Variants in PALM3 observed in about 807,000 individuals in gnomAD.
The protein encoded by PALM3 is paralemmin-3.
A neutral mutation model predicts 27.9 loss-of-function variants in PALM3; 20 were observed. The ratio of observed to expected loss-of-function variants is 0.72; its 90% CI spans 0.50 to 1.04. The LOEUF (loss-of-function observed/expected upper bound fraction) is 1.04, where lower values mean the gene tolerates loss of function less well. Among genes scored for constraint, PALM3 ranks in the 50% least tolerant of loss-of-function variants. PALM3 has a pLI of 0.00. For synonymous variants in PALM3, 328 were observed against 352.7 expected (o/e 0.93, Z 0.79); for missense variants, 814 against 869.4 (o/e 0.94, Z 0.80).
At chr19:14,059,306 G>T in intron 1 of PALM3, 143 bp from the exon 2 acceptor site, 2 of 764,626 alleles carry the variant, frequency 2.6e-6, no homozygotes. Flanking sequence ...AGTCTGGGCG[G>T]GGGGCGAGGG....
chr19:14,056,985 CT>C (rs1460690002), intron 3 of PALM3, 181 bp from the exon 4 acceptor site: 1 of 669,898 alleles, frequency 1.5e-6, no homozygotes, highest in African/African-American at 1.8e-5. Flanking sequence ...GCAGACATCC[CT>C]TGTTCCAAAC....
At position 14,054,741 on chromosome 19, in the gene PALM3, G is replaced by C; in HGVS notation, c.931C>G (p.Pro311Ala). 6.4e-7 allele frequency: 1 copy of C among 1,551,730 alleles called. No homozygotes were observed. The highest frequency in any genetic ancestry group is 8.7e-7 in the Non-Finnish European group (1 of 1,147,034). The change falls in exon 7 of 7, where the codon CCT (proline) becomes GCT (alanine). Residue 311 changes from proline to alanine, a missense_variant. Pro to Ala is a conservative substitution (Grantham distance 27). Coordinates refer to ENST00000669674, the MANE Select transcript of PALM3 (RefSeq NM_001145028.2). ...GGCGAGCTAGTCTGCACGACCTCAG[G>C]GACCCTGCCTATCTCCCCCATGGCC... is the stretch of plus-strand genomic sequence containing the variant. ...AEAMGEIGRV[P>A]EVVQTSSPRL...
Position 14,059,179 on chromosome 19 carries a change from AG to A in PALM3, c.42-17del. 1 of 1,441,154 alleles carries A rather than the reference AG, an allele frequency of 6.9e-7. No homozygotes were observed. Among genetic ancestry groups the A allele is most frequent in the Non-Finnish European group, 9.1e-7 (1 of 1,100,200 alleles). 89.3% of individuals were successfully genotyped at this position (1,441,154 alleles called of 1,614,324 possible). A position where few individuals can be genotyped will look rare whatever the true frequency, so the allele number is the denominator to read the frequency against. On this transcript the variant is annotated splice_polypyrimidine_tract_variant and intron_variant, in intron 1 of 6. Coordinates refer to ENST00000669674, the MANE Select transcript of PALM3 (RefSeq NM_001145028.2). ...CGCCATGGGCCTGTTGGGAGAGGGC[AG>A]GGGCTTCGAGGGGCTCCCATCTTGA...
intron 2 of PALM3, 77 bp downstream of exon 2, chr19:14,059,038 A>G: frequency 7.5e-7 from 1 of 1,340,936 alleles, no homozygotes. Flanking sequence ...CGCTCTCCGC[A>G]GAGATGACGG....
At chr19:14,056,383 C>T in intron 5 of PALM3, 46 bp downstream of exon 5, 1 of 1,495,866 alleles carries the variant, frequency 6.7e-7, no homozygotes, top group Middle Eastern at 1.9e-4. Context: ...GCCTTGAGGC[C>T]TGCTGGCCAT....
chr19:14,060,942 G>A (rs1976404170), intron 1 of PALM3, among the ~76,000 whole-genome samples: 3 of 152,106 alleles, frequency 2.0e-5, no homozygotes, highest in Admixed American at 2.0e-4. Flanking sequence ...TGTATTTTTA[G>A]TACAGATGGG....
At position 14,059,138 on chromosome 19, in the gene PALM3, G is replaced by C; in HGVS notation, c.67C>G (p.Arg23Gly). The change falls in exon 2 of 7, where the codon CGG becomes GGG. Residue 23 changes from arginine to glycine, a missense_variant. Arg to Gly is a moderately radical substitution (Grantham distance 125). Coordinates refer to ENST00000669674, the MANE Select transcript of PALM3 (RefSeq NM_001145028.2). Reference protein sequence around the residue: ...PMPMAESSLYRQRLEVIAEKR... With the variant: ...PMPMAESSLYGQRLEVIAEKR... ...ACAGCGATGACTTCTAGCCGCTGCC[G>C]GTAGAGGGAGCTCTCCGCCATGGGC... 1 of 1,435,760 alleles carries C rather than the reference G, an allele frequency of 7.0e-7. No individual in the cohort carries two copies. Among genetic ancestry groups the C allele is most frequent in the African/African-American group, 1.5e-5 (1 of 66,166 alleles). The allele number at this position is 1,435,760 out of a possible 1,614,324, so 88.9% of individuals were successfully genotyped here. A position where few individuals can be genotyped will look rare whatever the true frequency, so the allele number is the denominator to read the frequency against.
Position 14,056,813 on chromosome 19 carries a change from G to A in PALM3, c.172-9C>T, listed in dbSNP as rs934742174. On this transcript the variant is annotated splice_polypyrimidine_tract_variant and intron_variant, in intron 3 of 6. Coordinates refer to ENST00000669674, the MANE Select transcript of PALM3 (RefSeq NM_001145028.2). ...TCCCGGAGAGACTTCCTCTGGGCAG[G>A]GGAAGGGAGTTGGGGCTGGGCATAC... The A allele has an allele frequency of 7.1e-6, 11 of 1,541,286 alleles. No individual in the cohort carries two copies. The Admixed American group carries it at 8.0e-5, about 11-fold the overall frequency.
At chr19:14,058,016 G>C (rs1976343497) in intron 2 of PALM3, among the ~76,000 whole-genome samples, 4 of 152,204 alleles carry the variant, frequency 2.6e-5, no homozygotes. Flanking sequence ...GCTGAGGCGG[G>C]AGAATCTCTT....
At position 14,054,594 on chromosome 19, in the gene PALM3, C is replaced by G. The variant is rs199511171; in HGVS notation, c.1078G>C (p.Glu360Gln). 5,045 of 1,551,944 alleles carry G rather than the reference C, an allele frequency of 3.3e-3. 17 individuals are homozygous for G. Among genetic ancestry groups the G allele is most frequent in the South Asian group, 5.5e-3 (460 of 84,052 alleles). ...GGEEGSFIWV[E>Q]RVTLSEEWEE... ...CACTCTTCACTGAGGGTCACTCTCT[C>G]CACCCAAATGAAGGATCCCTCCTCT... The change falls in exon 7 of 7, where the codon GAG becomes CAG. Residue 360 changes from glutamate to glutamine, a missense_variant. Transcript: ENST00000669674.
At chr19:14,057,567 G>A (rs2145704835) in intron 2 of PALM3, 136 bp from the exon 3 acceptor site, 3 of 673,610 alleles carry the variant, frequency 4.5e-6, no homozygotes, top group East Asian at 7.1e-5. Context: ...CCCGGCGGGG[G>A]TGGCCCAGCG....
chr19:14,059,155 G>T lies in PALM3; in HGVS notation c.50C>A (p.Ala17Glu). The change falls in exon 2 of 7, where the codon GCG becomes GAG. Residue 17 changes from alanine to glutamate, a missense_variant. Physicochemically the swap from Ala to Glu is moderately radical, Grantham distance 107. Coordinates refer to ENST00000669674, the MANE Select transcript of PALM3 (RefSeq NM_001145028.2). ...CCGCTGCCGGTAGAGGGAGCTCTCC[G>T]CCATGGGCCTGTTGGGAGAGGGCAG... ...VWSLATPMPM[A>E]ESSLYRQRLE... is the part of the protein sequence containing the mutation. The T allele has an allele frequency of 7.0e-7, 1 of 1,438,382 alleles. No homozygotes were observed. Among genetic ancestry groups the T allele is most frequent in the South Asian group, 1.4e-5 (1 of 69,326 alleles). The allele number at this position is 1,438,382 out of a possible 1,614,324, so 89.1% of individuals were successfully genotyped here.
At chr19:14,059,051 A>C in intron 2 of PALM3, 64 bp downstream of exon 2, 1 of 1,400,618 alleles carries the variant, frequency 7.1e-7, no homozygotes, top group Non-Finnish European at 9.4e-7. Context: ...GATGACGGAG[A>C]GACGAGAAGG....
chr19:14,058,836 C>A (rs949290043), intron 2 of PALM3, among the ~76,000 whole-genome samples: 4 of 151,770 alleles, frequency 2.6e-5, no homozygotes, highest in Non-Finnish European at 5.9e-5. Context: ...AAAGGCGGTC[C>A]GAGAGATGCG....
At position 14,053,843 on chromosome 19, in the gene PALM3, G is replaced by A; in HGVS notation, c.1829C>T (p.Ala610Val). Residue 610 changes from alanine to valine, a missense_variant, in exon 7 of 7, where the codon GCT becomes GTT. Ala to Val is a moderately conservative substitution (Grantham distance 64). Transcript: ENST00000669674. ...CCCCAAGGGGCCTTGGCCCTCAGCA[G>A]CGGTTTGGGGCTTCACTCCTTCCTC... ...LEEEGVKPQTAAEGQGPLGDA... is the reference protein window; with the variant it reads ...LEEEGVKPQTVAEGQGPLGDA... 1 of 1,551,246 alleles carries A rather than the reference G, an allele frequency of 6.4e-7. No homozygotes were observed. The highest frequency in any genetic ancestry group is 8.7e-7 in the Non-Finnish European group (1 of 1,146,710).
Position 14,053,770 on chromosome 19 carries a change from G to T in PALM3, c.1902C>A (p.Ala634=). The T allele has an allele frequency of 6.5e-7, 1 of 1,530,542 alleles. No individual in the cohort carries two copies. The highest frequency in any genetic ancestry group is 1.7e-4 in the Middle Eastern group (1 of 5,892). 94.8% of individuals were successfully genotyped at this position (1,530,542 alleles called of 1,614,324 possible). ...LAETPAPEQP[A]ECQPLLQGEG... ...CCCCCTGAAGCAGTGGCTGGCATTC[G>T]GCGGGCTGCTCTGGGGCTGGGGTCT... The change falls in exon 7 of 7, where the codon GCC becomes GCA. Residue 634 remains alanine (A), a synonymous_variant. Coordinates refer to ENST00000669674, the MANE Select transcript of PALM3 (RefSeq NM_001145028.2).
chr19:14,061,964 T>C lies in PALM3; in HGVS notation c.17A>G (p.Gln6Arg), dbSNP rs1230917198. MALQS[Q>R]VWSLATPMPM... ...CATGGGTGTGGCCAGAGACCACACC[T>C]GGCTCTGCAGGGCCATCTCTGCCCA... is the stretch of plus-strand genomic sequence containing the variant. The change falls in exon 1 of 7, where the codon CAG (glutamine) becomes CGG (arginine). Residue 6 changes from glutamine to arginine, a missense_variant. Transcript: ENST00000669674. 2.0e-6 allele frequency: 2 copies of C among 985,310 alleles called. No individual in the cohort carries two copies. Among genetic ancestry groups the C allele is most frequent in the Non-Finnish European group, 2.4e-6 (2 of 829,856 alleles). The allele number at this position is 985,310 out of a possible 1,614,324, so 61.0% of individuals were successfully genotyped here.
At chr19:14,059,702 C>G (rs1034597722) in intron 1 of PALM3, among the ~76,000 whole-genome samples, 1 of 152,088 alleles carries the variant, frequency 6.6e-6, no homozygotes, top group Admixed American at 6.6e-5. Flanking sequence ...GACCTCAGCT[C>G]CTACCCAGAA....
chr19:14,059,131 C>A lies in PALM3; in HGVS notation c.74G>T (p.Arg25Leu). 1 of 1,436,736 alleles carries A rather than the reference C, an allele frequency of 7.0e-7. No homozygotes were observed. The allele number at this position is 1,436,736 out of a possible 1,614,324, so 89.0% of individuals were successfully genotyped here. The change falls in exon 2 of 7, where the codon CGG becomes CTG. Residue 25 changes from arginine to leucine, a missense_variant. By Grantham distance (102) the Arg-to-Leu change is moderately radical (BLOSUM62 -2). Transcript: ENST00000669674. ...GTCACTTACAGCGATGACTTCTAGCCGCTGCCGGTAGAGGGAGCTCTCCGC... is the reference window on the plus strand; with the variant it reads ...GTCACTTACAGCGATGACTTCTAGCAGCTGCCGGTAGAGGGAGCTCTCCGC... ...PMAESSLYRQ[R>L]LEVIAEKRRL...
Sources: allele counts gnomAD v4.1 joint callset (sites outside exome capture counted in the v4.1 genomes callset), GRCh38; gene constraint gnomAD v4.1.1; transcripts MANE v1.5; gene names NCBI Gene and HGNC (gene_info 2026-07-23, HGNC 2026-07-21).